Variants in QTMAN observed in about 807,000 individuals in gnomAD.
QTMAN encodes the protein queuosine-tRNA mannosyltransferase.
the QTMAN span, among the ~76,000 whole-genome samples, chr2:144,073,387 A>G: frequency 1.3e-5 from 2 of 152,146 alleles, no homozygotes; most frequent in Non-Finnish European, 2.9e-5. Context: ...CAATGGAATT[A>G]TATTCCAGCC....
At chr2:144,311,432 G>A in the QTMAN span, among the ~76,000 whole-genome samples, 4 of 152,124 alleles carry the variant, frequency 2.6e-5, no homozygotes, top group Non-Finnish European at 4.4e-5. Context: ...GATAATGCAC[G>A]CTATAGCTCA....
At chr2:144,140,236 A>C in the QTMAN span, among the ~76,000 whole-genome samples, 3 of 152,056 alleles carry the variant, frequency 2.0e-5, no homozygotes, top group Non-Finnish European at 4.4e-5. Context: ...CTTTATGGTA[A>C]TATCATCCAA....
chr2:144,094,417 A>G, the QTMAN span, among the ~76,000 whole-genome samples: 2 of 152,232 alleles, frequency 1.3e-5, no homozygotes, highest in Non-Finnish European at 1.5e-5. Context: ...TCATACTGCT[A>G]CGAAGAAATA....
chr2:143,975,867 A>G, the QTMAN span, among the ~76,000 whole-genome samples: 20 of 152,132 alleles, frequency 1.3e-4, no homozygotes, highest in Non-Finnish European at 2.8e-4. Context: ...AGCAACTGAG[A>G]TTTGGGGTGG....
the QTMAN span, among the ~76,000 whole-genome samples, chr2:144,168,504 G>C: frequency 6.6e-6 from 1 of 152,022 alleles, no homozygotes; most frequent in East Asian, 1.9e-4. Context: ...CGGTAGAGGG[G>C]GGTTAAAATG....
the QTMAN span, among the ~76,000 whole-genome samples, chr2:144,315,764 A>C: frequency 6.6e-6 from 1 of 152,168 alleles, no homozygotes; most frequent in Admixed American, 6.5e-5. Flanking sequence ...ATTTTCAAAC[A>C]ATTAGAAAAG....
the QTMAN span, among the ~76,000 whole-genome samples, chr2:144,131,912 G>C: frequency 6.6e-6 from 1 of 151,868 alleles, no homozygotes; most frequent in East Asian, 1.9e-4. Context: ...TACATAAAGT[G>C]TGTGCCCAGA....
chr2:144,141,736 A>T, the QTMAN span: 4 of 558,038 alleles, frequency 7.2e-6, no homozygotes, highest in Non-Finnish European at 1.3e-5. Context: ...AATCTTTGTA[A>T]ATCACAGCAT....
the QTMAN span, among the ~76,000 whole-genome samples, chr2:144,201,911 A>G: frequency 6.6e-6 from 1 of 152,186 alleles, no homozygotes; most frequent in Non-Finnish European, 1.5e-5. Flanking sequence ...CAGAGACTTT[A>G]GGAAAAAATT....
chr2:144,274,512 T>A, the QTMAN span, among the ~76,000 whole-genome samples: 1 of 152,074 alleles, frequency 6.6e-6, no homozygotes, highest in African/African-American at 2.4e-5. Flanking sequence ...GTTGATTGAG[T>A]TGATCACCAA....
At chr2:144,305,107 T>TG in the QTMAN span, among the ~76,000 whole-genome samples, 2 of 152,234 alleles carry the variant, frequency 1.3e-5, no homozygotes, top group Admixed American at 6.5e-5. Context: ...TTAATTTTGA[T>TG]GAAGTCCAAC....
the QTMAN span, among the ~76,000 whole-genome samples, chr2:144,271,285 T>C: frequency 7.9e-5 from 12 of 152,186 alleles, no homozygotes; most frequent in Non-Finnish European, 1.2e-4. Context: ...CACAAGCATT[T>C]GAAAAGCACT....
the QTMAN span, among the ~76,000 whole-genome samples, chr2:144,024,163 C>A: frequency 1.3e-5 from 2 of 152,032 alleles, no homozygotes; most frequent in African/African-American, 4.8e-5. Flanking sequence ...TTATGGGCAA[C>A]AAATCAATGA....
the QTMAN span, among the ~76,000 whole-genome samples, chr2:144,047,783 T>C: frequency 1.3e-5 from 2 of 152,242 alleles, no homozygotes; most frequent in South Asian, 2.1e-4. Flanking sequence ...GAAATTGACA[T>C]TTGCTTTTCA....
chr2:143,997,953 G>C, the QTMAN span, among the ~76,000 whole-genome samples: 2 of 152,010 alleles, frequency 1.3e-5, no homozygotes, highest in Non-Finnish European at 2.9e-5. Context: ...AGCTGAAATA[G>C]GGGAGTTTGC....
At chr2:144,283,352 GA>G in the QTMAN span, among the ~76,000 whole-genome samples, 1 of 152,088 alleles carries the variant, frequency 6.6e-6, no homozygotes, top group Non-Finnish European at 1.5e-5. Context: ...AGTCAGTGAG[GA>G]AAAAACCCCA....
the QTMAN span, among the ~76,000 whole-genome samples, chr2:143,992,848 G>A: frequency 6.6e-6 from 1 of 152,070 alleles, no homozygotes; most frequent in Admixed American, 6.6e-5. Flanking sequence ...AATCAAAATA[G>A]TGTTTAAGTT....
At chr2:144,260,063 TGATGA>T in the QTMAN span, among the ~76,000 whole-genome samples, 1 of 152,156 alleles carries the variant, frequency 6.6e-6, no homozygotes, top group East Asian at 1.9e-4. Flanking sequence ...GGAAATAAAC[TGATGA>T]GATAATATGT....
At chr2:144,028,246 C>T in the QTMAN span, among the ~76,000 whole-genome samples, 1 of 152,218 alleles carries the variant, frequency 6.6e-6, no homozygotes, top group South Asian at 2.1e-4. Flanking sequence ...AGTATAACAA[C>T]GTATAGGAAA....
Sources: gnomAD v4.1 joint callset for allele counts (sites outside exome capture counted in the v4.1 genomes callset) on GRCh38, gnomAD v4.1.1 for gene constraint, MANE v1.5 for transcripts, NCBI Gene and HGNC (gene_info 2026-07-23, HGNC 2026-07-21) for gene names.